The following B3GALT1 variants were observed in gnomAD, a reference collection of about 807,000 sequenced individuals.
The protein encoded by B3GALT1 is UDP-Gal:betaGlcNAc beta 1,3-galactosyltransferase, polypeptide 1.
A neutral mutation model predicts 23.2 loss-of-function variants in B3GALT1; 10 were observed. The ratio of observed to expected loss-of-function variants is 0.43; its 90% CI spans 0.27 to 0.73. The LOEUF (loss-of-function observed/expected upper bound fraction) is 0.73, where lower values mean the gene tolerates loss of function less well. Ranked by LOEUF, B3GALT1 falls within the 30% of genes least tolerant of loss-of-function variation. The pLI is 0.21. For missense variants in B3GALT1, 299 were observed against 405.4 expected, an observed-to-expected ratio of 0.74 and a Z score of 2.25; for synonymous variants, 156 against 141.5, an observed-to-expected ratio of 1.10 and a Z score of -0.73.
At chr2:167,827,294 C>T (rs755665379) in intron 4 of B3GALT1, among the ~76,000 whole-genome samples, 1 of 152,146 alleles carries the variant, frequency 6.6e-6, no homozygotes, top group Non-Finnish European at 1.5e-5. Context: ...GTGCCAGTCA[C>T]GGTAAGCAGG....
At position 167,644,226 on chromosome 2, in the gene B3GALT1, A is replaced by T. The variant is rs116536390; in HGVS notation, c.-409-2683A>T. On this transcript the variant is annotated intron_variant, in intron 2 of 4. Transcript: ENST00000392690. The stretch of plus-strand genomic sequence containing the variant: ...GGAGTAAATGGTCAAAAGTCAGAGT[A>T]GGGTCTAAAGCAAGAACACAGATGA... Among the ~76,000 whole-genome samples the T allele has an allele frequency of 3.9e-3, 589 of 152,320 alleles. 5 individuals are homozygous for T. Among genetic ancestry groups the T allele is most frequent in the African/African-American group, 0.014 (564 of 41,582 alleles).
At chr2:167,826,480 C>T (rs1208066962) in intron 4 of B3GALT1, among the ~76,000 whole-genome samples, 2 of 152,172 alleles carry the variant, frequency 1.3e-5, no homozygotes, top group African/African-American at 4.8e-5. Context: ...CCTGGTGCTC[C>T]CTATGCCCCT....
At chr2:167,621,106 T>TTTTTGG (rs1685249528) in intron 2 of B3GALT1, among the ~76,000 whole-genome samples, 1 of 150,006 alleles carries the variant, frequency 6.7e-6, no homozygotes, top group Non-Finnish European at 1.5e-5. Context: ...TTTTTTTTTT[T>TTTTTGG]GAGGCAGGGT....
intron 1 of B3GALT1, among the ~76,000 whole-genome samples, chr2:167,461,942 T>A (rs1241179887): frequency 6.6e-6 from 1 of 152,218 alleles, no homozygotes; most frequent in Non-Finnish European, 1.5e-5. Flanking sequence ...TAACAACTAT[T>A]TGTGTGGGGG....
At chr2:167,860,583 C>G (rs779153283) in intron 4 of B3GALT1, among the ~76,000 whole-genome samples, 1 of 152,142 alleles carries the variant, frequency 6.6e-6, no homozygotes, top group Non-Finnish European at 1.5e-5. Flanking sequence ...AGAAGTTATT[C>G]AGAGTCAATT....
intron 1 of B3GALT1, among the ~76,000 whole-genome samples, chr2:167,307,835 A>G (rs1696573356): frequency 6.6e-6 from 1 of 151,978 alleles, no homozygotes; most frequent in Non-Finnish European, 1.5e-5. Flanking sequence ...TTGATAGTTA[A>G]AATAGTTGTG....
In B3GALT1 at chr2:167,754,427, G is replaced by A. The variant is rs984480325; in HGVS notation, c.-351-64245G>A. ...GATTCAGTAGTTAGAGGAGGGCCTA[G>A]CAATCTGCCTTTCCACGAAATACCC... On this transcript the variant is annotated intron_variant, in intron 3 of 4. Coordinates refer to ENST00000392690, the MANE Select transcript of B3GALT1 (RefSeq NM_020981.4). Among the ~76,000 whole-genome samples, 7 of 152,260 alleles carry A rather than the reference G, an allele frequency of 4.6e-5. No homozygotes were observed. The South Asian group carries it at 1.0e-3, about 23-fold the overall frequency.
chr2:167,520,602 G>A (rs73024087), intron 2 of B3GALT1, among the ~76,000 whole-genome samples: 7,559 of 152,226 alleles, frequency 0.05, 402 homozygotes, highest in African/African-American at 0.14. Context: ...CAAAAAAACC[G>A]TTGCCATGAC....
chr2:167,431,816 T>TG (rs138907710), intron 1 of B3GALT1, among the ~76,000 whole-genome samples: 9 of 152,178 alleles, frequency 5.9e-5, no homozygotes, highest in Non-Finnish European at 1.0e-4. Flanking sequence ...AGCTTGGAAT[T>TG]GGGGGGGAAG....
At chr2:167,572,506 A>G (rs1684312275) in intron 2 of B3GALT1, among the ~76,000 whole-genome samples, 1 of 151,820 alleles carries the variant, frequency 6.6e-6, no homozygotes. Flanking sequence ...ATTTGCCACA[A>G]ACTGTAAGCA....
chr2:167,833,663 C>A (rs530118064), intron 4 of B3GALT1, among the ~76,000 whole-genome samples: 2 of 152,262 alleles, frequency 1.3e-5, no homozygotes, highest in African/African-American at 4.8e-5. Context: ...TGAAAGTTAC[C>A]TATCTATCTA....
At chr2:167,825,982 T>C (rs1292070245) in intron 4 of B3GALT1, among the ~76,000 whole-genome samples, 1 of 152,236 alleles carries the variant, frequency 6.6e-6, no homozygotes, top group East Asian at 1.9e-4. Context: ...TCCTTCTCTT[T>C]CAGTCCAATA....
intron 2 of B3GALT1, among the ~76,000 whole-genome samples, chr2:167,630,082 G>A (rs1191137293): frequency 6.6e-6 from 1 of 151,716 alleles, no homozygotes; most frequent in Admixed American, 6.6e-5. Context: ...GAATTGAATT[G>A]ACCTCTCTAA....
At chr2:167,656,837 T>G (rs1196978862) in intron 3 of B3GALT1, among the ~76,000 whole-genome samples, 2 of 151,914 alleles carry the variant, frequency 1.3e-5, no homozygotes, top group Non-Finnish European at 2.9e-5. Context: ...GGGGGAGAGT[T>G]GGAACCCCTA....
intron 3 of B3GALT1, among the ~76,000 whole-genome samples, chr2:167,687,751 A>T (rs1435895673): frequency 3.3e-5 from 5 of 152,168 alleles, no homozygotes. Context: ...ATTTAAATGA[A>T]TTGCTTTTAG....
intron 2 of B3GALT1, among the ~76,000 whole-genome samples, chr2:167,644,865 A>G (rs1236845273): frequency 6.6e-6 from 1 of 151,870 alleles, no homozygotes; most frequent in Non-Finnish European, 1.5e-5. Context: ...TGCACTTCCA[A>G]ACAGGAGCCC....
chr2:167,351,261 T>A (rs1697303396), intron 1 of B3GALT1, among the ~76,000 whole-genome samples: 1 of 137,900 alleles, frequency 7.3e-6, no homozygotes, highest in East Asian at 2.1e-4. Flanking sequence ...AGAGTGAGAC[T>A]CCGTCTCAAA....
chr2:167,779,303 G>A (rs561329250), intron 3 of B3GALT1, among the ~76,000 whole-genome samples: 26 of 152,172 alleles, frequency 1.7e-4, no homozygotes, highest in South Asian at 1.5e-3. Context: ...CTTACCATAC[G>A]TAGATATAAA....
intron 4 of B3GALT1, among the ~76,000 whole-genome samples, chr2:167,847,668 A>T (rs941613379): frequency 3.3e-5 from 5 of 152,312 alleles, no homozygotes; most frequent in African/African-American, 9.6e-5. Context: ...TTCTAAGGTC[A>T]CACCTCAAGG....
Sources: allele counts gnomAD v4.1 joint callset (sites outside exome capture counted in the v4.1 genomes callset), GRCh38; gene constraint gnomAD v4.1.1; transcripts MANE v1.5; gene names NCBI Gene and HGNC (gene_info 2026-07-23, HGNC 2026-07-21).